Variants in HAUS7 observed in about 807,000 individuals in gnomAD.
HAUS7 encodes HAUS augmin like complex subunit 7, also known as HAUS augmin-like complex subunit 7.
In HAUS7, 3 loss-of-function variants were observed where a neutral mutation model predicts 28.4. That is an observed-to-expected ratio of 0.11 (90% CI 0.05 to 0.27). The LOEUF (loss-of-function observed/expected upper bound fraction) is 0.27. HAUS7 is among the 10% of genes least tolerant of loss of function. The pLI is 1.00. For missense variants in HAUS7, 284 were observed against 297.3 expected, an observed-to-expected ratio of 0.96 and a Z score of 0.33; for synonymous variants, 165 against 132.1, an observed-to-expected ratio of 1.25 and a Z score of -1.71.
chrX:153,458,047 T>G (rs1016812642), intron 4 of HAUS7, among the ~76,000 whole-genome samples: 2 of 113,310 alleles, frequency 1.8e-5, no homozygotes, highest in Non-Finnish European at 3.7e-5. Context: ...ACACAAATGC[T>G]CCTTGGCGGG....
intron 1 of HAUS7, chrX:153,481,079 G>A (rs2089596781): frequency 2.9e-6 from 2 of 696,802 alleles, no homozygotes; most frequent in Non-Finnish European, 3.4e-6. Flanking sequence ...CCACGCATGA[G>A]TTTGGCCACC....
chrX:153,485,813 G>A (rs2089632730), intron 1 of HAUS7: 17 of 901,476 alleles, frequency 1.9e-5, no homozygotes, highest in Non-Finnish European at 2.4e-5. Context: ...GCTGGTGCAC[G>A]TGCCCCGCTT....
intron 4 of HAUS7, among the ~76,000 whole-genome samples, chrX:153,460,149 A>C (rs968239155): frequency 2.7e-5 from 3 of 111,941 alleles, no homozygotes; most frequent in African/African-American, 9.8e-5. Flanking sequence ...AACCTTGAAA[A>C]CCTTGTGCTC....
intron 2 of HAUS7, among the ~76,000 whole-genome samples, chrX:153,466,381 G>A (rs1007264742): frequency 1.8e-5 from 2 of 112,272 alleles, no homozygotes; most frequent in Admixed American, 9.4e-5. Context: ...TCACCGCACC[G>A]TCACAGCAGA....
rs868923704 is a variant in HAUS7, at chrX:153,460,725, G to T, written c.354+1885C>A. 2.8e-4 allele frequency among the ~76,000 whole-genome samples: 31 copies of T among 112,030 alleles called. 1 individual carries two copies. In the Middle Eastern group the frequency reaches 0.032, roughly 117 times the overall value. ...CGGCTGGGCAGAATGTATGGGGCAG[G>T]TGCTCGCAGGCTCTGAGAAGCGAAT... On this transcript the variant is annotated intron_variant, in intron 4 of 9. Coordinates refer to ENST00000370211, the MANE Select transcript of HAUS7 (RefSeq NM_001385482.1).
chrX:153,459,771 T>G (rs1218958744), intron 4 of HAUS7, among the ~76,000 whole-genome samples: 1 of 112,400 alleles, frequency 8.9e-6, no homozygotes, highest in Non-Finnish European at 1.9e-5. Flanking sequence ...ATCCCAGCAC[T>G]TTGGGAGGCT....
intron 1 of HAUS7, among the ~76,000 whole-genome samples, chrX:153,475,981 C>A (rs781918169): frequency 8.9e-6 from 1 of 112,364 alleles, no homozygotes; most frequent in East Asian, 2.8e-4. Flanking sequence ...CGGTGGCTCC[C>A]ACCTCCTACC....
At chrX:153,489,676 G>C (rs1392838178) in intron 1 of HAUS7, among the ~76,000 whole-genome samples, 3 of 112,442 alleles carry the variant, frequency 2.7e-5, no homozygotes, top group Non-Finnish European at 1.9e-5. Flanking sequence ...CCTCCCTGGG[G>C]CTGGGCCTGT....
At chrX:153,461,954 C>T (rs905400667) in intron 4 of HAUS7, 7 of 432,455 alleles carry the variant, frequency 1.6e-5, no homozygotes, top group Middle Eastern at 5.5e-4. Flanking sequence ...GATTCACTGA[C>T]GTCTTATGTC....
At chrX:153,493,552 C>T (rs2089685205) in intron 1 of HAUS7, among the ~76,000 whole-genome samples, 1 of 112,448 alleles carries the variant, frequency 8.9e-6, no homozygotes, top group Non-Finnish European at 1.9e-5. Flanking sequence ...CTCCAATCTC[C>T]TCATTCCAAC....
At chrX:153,461,432 G>C (rs921076299) in intron 4 of HAUS7, 6 of 109,678 alleles carry the variant, frequency 5.5e-5, no homozygotes, top group African/African-American at 6.7e-5. Flanking sequence ...GGGGCCTGTG[G>C]AGACTCTCTG....
chrX:153,458,522 C>A (rs782813124), intron 4 of HAUS7, among the ~76,000 whole-genome samples: 3 of 112,784 alleles, frequency 2.7e-5, no homozygotes, highest in Non-Finnish European at 5.6e-5. Context: ...GCTCTTTCCA[C>A]TTTCAGGCCA....
chrX:153,449,659 T>C (rs782730800), intron 9 of HAUS7, among the ~76,000 whole-genome samples: 17 of 112,394 alleles, frequency 1.5e-4, no homozygotes, highest in African/African-American at 5.5e-4. Context: ...TCTTGAAGCT[T>C]TGGCCCCAGC....
intron 9 of HAUS7, among the ~76,000 whole-genome samples, chrX:153,451,805 G>A (rs1188206124): frequency 8.9e-6 from 1 of 111,774 alleles, no homozygotes; most frequent in Admixed American, 9.5e-5. Context: ...GGTGTGTGCC[G>A]GGCTGTGAAA....
Position 153,477,170 on chromosome X carries a change from G to A in HAUS7, c.-588-6025C>T, listed in dbSNP as rs1487107315. Among the ~76,000 whole-genome samples, 3 of 113,425 alleles carry A rather than the reference G, an allele frequency of 2.6e-5. No individual in the cohort carries two copies. The East Asian group carries it at 8.3e-4, about 31-fold the overall frequency. On this transcript the variant is annotated intron_variant, in intron 1 of 5. Transcript: ENST00000370210. ...CCTTCCTGCCTAGGTGGGTAGGAGC[G>A]GAGTCCCTCCCTCCTCCAGGCTGGC... is the stretch of plus-strand genomic sequence containing the variant.
Position 153,480,849 on chromosome X carries a change from G to T in HAUS7, c.-588-9704C>A, listed in dbSNP as rs896611436. ...GGCCACAGCTGCCATGAGGGCTGGGGCAGGGAAGCCCGAGGCCTTGAAGCT... is the reference window on the plus strand; with the variant it reads ...GGCCACAGCTGCCATGAGGGCTGGGTCAGGGAAGCCCGAGGCCTTGAAGCT... On this transcript the variant is annotated intron_variant, in intron 1 of 5. Coordinates refer to the HAUS7 transcript ENST00000370210. 9.3e-6 allele frequency: 7 copies of T among 754,120 alleles called. No individual in the cohort carries two copies. In the East Asian group the frequency reaches 9.1e-4, roughly 98 times the overall value. 62.1% of individuals were successfully genotyped at this position (754,120 alleles called of 1,213,427 possible).
In HAUS7 at chrX:153,494,369, G is replaced by A. The variant is rs142998218; in HGVS notation, c.-589+1005C>T. ...CTGCCCCGTCCTGCCACCACCAGCC[G>A]GATCGGGCCCTCTTTTTAAGGGAAG... On this transcript the variant is annotated intron_variant, in intron 1 of 5. Transcript: ENST00000370210. 1.3e-3 allele frequency among the ~76,000 whole-genome samples: 142 copies of A among 112,308 alleles called. 4 individuals carry two copies. The South Asian group carries it at 0.034, about 27-fold the overall frequency.
At chrX:153,494,797 A>G (rs1422090975) in intron 1 of HAUS7, 1 of 103,112 alleles carries the variant, frequency 9.7e-6, no homozygotes, top group African/African-American at 3.6e-5. Context: ...AGCCGTCTAC[A>G]AGAAAATTGC....
At chrX:153,470,654 C>T (rs1035342834), upstream of HAUS7, 5 of 1,092,130 alleles carry the variant, frequency 4.6e-6, no homozygotes, top group Non-Finnish European at 6.1e-6. Flanking sequence ...CACCCGCCTG[C>T]GCCCACCCCC....
Sources: gnomAD v4.1 joint callset for allele counts (sites outside exome capture counted in the v4.1 genomes callset) on GRCh38, gnomAD v4.1.1 for gene constraint, MANE v1.5 for transcripts, NCBI Gene and HGNC (gene_info 2026-07-23, HGNC 2026-07-21) for gene names.